Variants in ZNF208 observed in about 807,000 individuals in gnomAD.
ZNF208 encodes zinc finger protein 208, also known as zinc finger protein 95.
Under a neutral mutation model 12.1 loss-of-function variants are expected in ZNF208, and 10 were observed. The observed-to-expected ratio is 0.83, with a 90% CI of 0.51 to 1.40. The LOEUF (loss-of-function observed/expected upper bound fraction) is 1.40, where lower values mean the gene tolerates loss of function less well. Ranked by LOEUF, ZNF208 falls within the 40% of genes most tolerant of loss-of-function variation. ZNF208 has a pLI of 0.00. For synonymous variants in ZNF208, 497 were observed against 488.4 expected (o/e 1.02, Z -0.23); for missense variants, 1,652 against 1,485.0 (o/e 1.11, Z -1.85).
rs890228592 is a variant in ZNF208 at position 21,970,572 on chromosome 19, C to A, written c.*619G>T. 1.4e-5 allele frequency: 10 copies of A among 739,466 alleles called. No individual in the cohort carries two copies. Among genetic ancestry groups the A allele is most frequent in the Non-Finnish European group, 1.8e-5 (8 of 444,450 alleles). 45.8% of individuals were successfully genotyped at this position (739,466 alleles called of 1,614,324 possible). A position where few individuals can be genotyped will look rare whatever the true frequency, so the allele number is the denominator to read the frequency against. On this transcript the variant is annotated 3_prime_UTR_variant, in exon 4 of 4. Transcript: ENST00000397126. ...TTTTATGAGTAGTAAGGTGTGAGGACCAGTTGAAGTCTTTATCACATTCTT... is the reference window on the plus strand; with the variant it reads ...TTTTATGAGTAGTAAGGTGTGAGGAACAGTTGAAGTCTTTATCACATTCTT...
intron 1 of ZNF208, among the ~76,000 whole-genome samples, chr19:21,996,358 A>T (rs1258125175): frequency 6.6e-6 from 1 of 152,220 alleles, no homozygotes; most frequent in Non-Finnish European, 1.5e-5. Context: ...AATTGATTGG[A>T]TATACATCAT....
chr19:21,992,099 AAAG>A lies in ZNF208; in HGVS notation c.4-3193_4-3191del, dbSNP rs541486496. ...CAGACAAATGGAAAGGAAACCTAAG[AAAG>A]AAGGGCAGCAGCCAGATTAAATGTG... On this transcript the variant is annotated intron_variant, in intron 1 of 3. Coordinates refer to ENST00000397126, the MANE Select transcript of ZNF208 (RefSeq NM_007153.3). 2.4e-3 allele frequency among the ~76,000 whole-genome samples: 359 copies of A among 152,278 alleles called. 1 individual carries two copies. Among genetic ancestry groups the A allele is most frequent in the Non-Finnish European group, 4.2e-3 (285 of 68,026 alleles).
chr19:22,001,892 CAAAAAAAAAAAAAAAAAAA>C (rs58939967), intron 1 of ZNF208, among the ~76,000 whole-genome samples: 1 of 74,106 alleles, frequency 1.3e-5, no homozygotes, highest in Admixed American at 1.7e-4. Context: ...GACTCCATCC[CAAAAAAAAAAAAAAAAAAA>C]AAAAAAAAAA....
intron 4 of ZNF208, among the ~76,000 whole-genome samples, chr19:21,955,770 C>T (rs554834972): frequency 4.3e-4 from 66 of 152,172 alleles, no homozygotes; most frequent in African/African-American, 1.4e-3. Flanking sequence ...GAGATGGGTT[C>T]GAACATCCTC....
At position 21,970,327 on chromosome 19, in the gene ZNF208, G is replaced by A. The variant is rs1357148074; in HGVS notation, c.*864C>T. ...TAGTAAGCCTTAAGGACTGGTTAAG[G>A]GCATTGCAACATTCCACACAATTGT... On this transcript the variant is annotated 3_prime_UTR_variant, in exon 4 of 4. Transcript: ENST00000397126. 1.3e-5 allele frequency among the ~76,000 whole-genome samples: 2 copies of A among 152,004 alleles called. No individual in the cohort carries two copies. Among genetic ancestry groups the A allele is most frequent in the East Asian group, 1.9e-4 (1 of 5,174 alleles).
intron 1 of ZNF208, among the ~76,000 whole-genome samples, chr19:22,009,958 G>A (rs1344117993): frequency 6.6e-6 from 1 of 152,066 alleles, no homozygotes; most frequent in Non-Finnish European, 1.5e-5. Context: ...TGCCGAGGCG[G>A]GCGGATCACG....
chr19:21,952,207 A>G (rs552379555), intron 4 of ZNF208, among the ~76,000 whole-genome samples: 5 of 152,282 alleles, frequency 3.3e-5, no homozygotes, highest in Admixed American at 3.3e-4. Context: ...ATAGACTCCA[A>G]CTTTGTGAGC....
At chr19:21,964,140 A>G (rs1357227619), downstream of ZNF208, among the ~76,000 whole-genome samples, 2 of 151,910 alleles carry the variant, frequency 1.3e-5, no homozygotes, top group Non-Finnish European at 1.5e-5. Flanking sequence ...AAATACTACT[A>G]ATACTTTTTT....
intron 4 of ZNF208, among the ~76,000 whole-genome samples, chr19:21,951,812 G>T (rs1446434926): frequency 2.0e-5 from 3 of 152,210 alleles, no homozygotes; most frequent in Non-Finnish European, 4.4e-5. Flanking sequence ...AGTGGGTTCA[G>T]CCCATGGAGG....
At position 21,969,168 on chromosome 19, in the gene ZNF208, TTC is replaced by T. The variant is rs1484885786; in HGVS notation, c.*2021_*2022del. On this transcript the variant is annotated 3_prime_UTR_variant, in exon 4 of 4. Coordinates refer to ENST00000397126, the MANE Select transcript of ZNF208 (RefSeq NM_007153.3). ...TTTAGTAAACATGTTTAGTAAACAT[TTC>T]TTTTTAGTTCCACTATGTTGGCAAG... Among the ~76,000 whole-genome samples the T allele has an allele frequency of 2.6e-5, 4 of 152,184 alleles. No individual in the cohort carries two copies. Among genetic ancestry groups the T allele is most frequent in the South Asian group, 2.1e-4 (1 of 4,826 alleles).
chr19:21,971,169 C>G lies in ZNF208; in HGVS notation c.*22G>C. 1 of 1,612,362 alleles carries G rather than the reference C, an allele frequency of 6.2e-7. No individual in the cohort carries two copies. ...CTAAGGGTTGAGGGCCACTTATAGG[C>G]TTTGCCACATTCTTCACATTTCTAG... On this transcript the variant is annotated 3_prime_UTR_variant, in exon 4 of 4. Transcript: ENST00000397126.
chr19:21,991,860 A>C (rs1970743248), intron 1 of ZNF208: 1 of 152,262 alleles, frequency 6.6e-6, no homozygotes, highest in African/African-American at 2.4e-5. Context: ...TTTAATGTGT[A>C]CAACAAGCTA....
chr19:21,945,508 A>G (rs1969802864), intron 4 of ZNF208, among the ~76,000 whole-genome samples: 1 of 152,216 alleles, frequency 6.6e-6, no homozygotes, highest in African/African-American at 2.4e-5. Flanking sequence ...AACACAGTCA[A>G]CACTGCTAAA....
chr19:21,948,566 C>A (rs114145930), intron 4 of ZNF208, among the ~76,000 whole-genome samples: 1 of 152,142 alleles, frequency 6.6e-6, no homozygotes, highest in Non-Finnish European at 1.5e-5. Context: ...GTTGCCCCTA[C>A]AGAAAATGCC....
Position 21,971,787 on chromosome 19 carries a change from C to G in ZNF208, c.3247G>C (p.Glu1083Gln), listed in dbSNP as rs745452583. 5 of 1,559,256 alleles carry G rather than the reference C, an allele frequency of 3.2e-6. No homozygotes were observed. The highest frequency in any genetic ancestry group is 3.3e-5 in the African/African-American group (2 of 61,148). Residue 1083 changes from glutamate (E) to glutamine (Q), a missense_variant, in exon 4 of 4, where the codon GAA (glutamate) becomes CAA (glutamine). Coordinates refer to ENST00000397126, the MANE Select transcript of ZNF208 (RefSeq NM_007153.3). ...CCACATTCTTCACATTTGTAGGGTT[C>G]CTCTCCAGCATGAGTTGCCTTATGT... Reference protein sequence around the residue: ...TEHKATHAGEEPYKCEECGKA... With the variant: ...TEHKATHAGEQPYKCEECGKA...
chr19:21,940,253 A>G (rs746938498), intron 4 of ZNF208: 2 of 152,252 alleles, frequency 1.3e-5, no homozygotes, highest in Non-Finnish European at 2.9e-5. Context: ...AAATGAATAA[A>G]TACATCCCCT....
At chr19:21,982,013 G>A (rs1470704709) in intron 3 of ZNF208, among the ~76,000 whole-genome samples, 3 of 152,054 alleles carry the variant, frequency 2.0e-5, no homozygotes, top group African/African-American at 7.2e-5. Context: ...CCTCTTCAAG[G>A]AGAACTACAA....
intron 1 of ZNF208, among the ~76,000 whole-genome samples, chr19:21,996,612 C>A (rs549708742): frequency 6.6e-6 from 1 of 152,218 alleles, no homozygotes; most frequent in African/African-American, 2.4e-5. Flanking sequence ...TACGGAGCTG[C>A]AAATTCAGGT....
At chr19:21,946,444 A>G (rs1218300996) in intron 4 of ZNF208, among the ~76,000 whole-genome samples, 3 of 152,312 alleles carry the variant, frequency 2.0e-5, no homozygotes, top group South Asian at 4.1e-4. Flanking sequence ...CTTATAGTGG[A>G]CAACCCATTC....
Sources: gnomAD v4.1 joint callset for allele counts (sites outside exome capture counted in the v4.1 genomes callset) on GRCh38, gnomAD v4.1.1 for gene constraint, MANE v1.5 for transcripts, NCBI Gene and HGNC (gene_info 2026-07-23, HGNC 2026-07-21) for gene names.